The following HSF2BP variants were observed in gnomAD, a reference collection of about 807,000 sequenced individuals.
HSF2BP encodes the protein heat shock factor 2-binding protein.
Under a neutral mutation model 35.0 loss-of-function variants are expected in HSF2BP, and 35 were observed. That is an observed-to-expected ratio of 1.00 (90% CI 0.76 to 1.32). The LOEUF is 1.32. Ranked by LOEUF, HSF2BP falls within the 40% of genes most tolerant of loss-of-function variation. The probability of loss-of-function intolerance (pLI) is 0.00; values close to 1 mark genes in which losing one functional copy is unlikely to be tolerated. For synonymous variants in HSF2BP, 114 were observed against 117.4 expected, an observed-to-expected ratio of 0.97 and a Z score of 0.18; for missense variants, 326 against 321.7, an observed-to-expected ratio of 1.01 and a Z score of -0.10.
chr21:43,614,470 G>A (rs149814603), intron 6 of HSF2BP, among the ~76,000 whole-genome samples: 88 of 152,154 alleles, frequency 5.8e-4, no homozygotes, highest in Middle Eastern at 3.4e-3. Flanking sequence ...ATTAGCAAGC[G>A]CCGAAAGAGT....
At chr21:43,646,341 A>G (rs1379658689) in intron 3 of HSF2BP, among the ~76,000 whole-genome samples, 1 of 152,198 alleles carries the variant, frequency 6.6e-6, no homozygotes, top group East Asian at 1.9e-4. Flanking sequence ...TAAAAACTAC[A>G]TACTTGCATT....
At chr21:43,467,341 G>GA in the HSF2BP span, 20 of 32,932 alleles carry the variant, frequency 6.1e-4, 1 homozygote, top group Middle Eastern at 5.3e-3. Flanking sequence ...AAGGAAAACA[G>GA]AAGGCCTAGG....
intron 3 of HSF2BP, among the ~76,000 whole-genome samples, chr21:43,647,886 G>A (rs1253283739): frequency 5.5e-5 from 8 of 146,260 alleles, no homozygotes; most frequent in East Asian, 2.0e-4. Flanking sequence ...CCAAGATCAC[G>A]CCAGTGCGCT....
chr21:43,649,056 ATT>A (rs2082746729), intron 3 of HSF2BP, among the ~76,000 whole-genome samples: 1 of 151,920 alleles, frequency 6.6e-6, no homozygotes, highest in Non-Finnish European at 1.5e-5. Context: ...CATTTATTTA[ATT>A]AAAAAAATTT....
chr21:43,574,495 C>T (rs976297532), intron 8 of HSF2BP, among the ~76,000 whole-genome samples: 4 of 152,050 alleles, frequency 2.6e-5, no homozygotes, highest in African/African-American at 9.7e-5. Flanking sequence ...GTAGCTGGGA[C>T]TACAGGCACC....
At chr21:43,602,429 A>G (rs939158229) in intron 7 of HSF2BP, among the ~76,000 whole-genome samples, 2 of 152,210 alleles carry the variant, frequency 1.3e-5, no homozygotes. Context: ...ATTTGCCCAC[A>G]AAGGTGAGCT....
intron 8 of HSF2BP, among the ~76,000 whole-genome samples, chr21:43,582,243 T>G (rs2081758423): frequency 1.7e-5 from 2 of 118,628 alleles, no homozygotes; most frequent in African/African-American, 7.1e-5. Context: ...GATGAGGGCC[T>G]GCTGAGGGAG....
chr21:43,629,772 CATT>C (rs2082431785), intron 6 of HSF2BP, among the ~76,000 whole-genome samples: 1 of 152,166 alleles, frequency 6.6e-6, no homozygotes, highest in Non-Finnish European at 1.5e-5. Flanking sequence ...GATGCTAAGA[CATT>C]GTTGAAATAA....
intron 8 of HSF2BP, among the ~76,000 whole-genome samples, chr21:43,587,915 G>A (rs1468636449): frequency 6.6e-6 from 1 of 152,118 alleles, no homozygotes; most frequent in East Asian, 1.9e-4. Context: ...ACTTCCGGAG[G>A]ACCAGAGCTA....
intron 3 of HSF2BP, among the ~76,000 whole-genome samples, chr21:43,644,960 T>C (rs1055088441): frequency 5.9e-5 from 9 of 152,210 alleles, no homozygotes; most frequent in African/African-American, 2.2e-4. Flanking sequence ...ACTCATTTAG[T>C]TGATGAGTCA....
intron 7 of HSF2BP, among the ~76,000 whole-genome samples, chr21:43,605,036 TACCCACCACAC>T (rs1568905994): frequency 1.2e-5 from 1 of 81,856 alleles, no homozygotes; most frequent in African/African-American, 4.9e-5. Context: ...ACACACCACA[TACCCACCACAC>T]ACACACCAGA....
chr21:43,630,511 T>C (rs2082442580), intron 5 of HSF2BP, 57 bp from the exon 6 acceptor site: 1 of 1,552,352 alleles, frequency 6.4e-7, no homozygotes, highest in Non-Finnish European at 8.7e-7. Flanking sequence ...TGTGAAAACA[T>C]TTTAAAAGTG....
At chr21:43,591,197 G>A (rs1406619455) in intron 8 of HSF2BP, among the ~76,000 whole-genome samples, 1 of 152,114 alleles carries the variant, frequency 6.6e-6, no homozygotes, top group Non-Finnish European at 1.5e-5. Context: ...AGAACTTTAG[G>A]TTAGATTGGT....
At chr21:43,572,158 C>A (rs996933588) in intron 8 of HSF2BP, among the ~76,000 whole-genome samples, 5 of 152,082 alleles carry the variant, frequency 3.3e-5, no homozygotes, top group African/African-American at 1.2e-4. Flanking sequence ...TACCATCAGC[C>A]AGGATGTGCA....
rs987691450 is a variant in HSF2BP, at chr21:43,634,043, C to T, written c.292-622G>A. 2.0e-5 allele frequency among the ~76,000 whole-genome samples: 3 copies of T among 152,158 alleles called. No homozygotes were observed. The South Asian group carries it at 6.2e-4, about 32-fold the overall frequency. Reference sequence around the variant, plus strand: ...GGGAAAGAAAACCTAAAACCTAAGACCAGGTAGGAAAGATGGGAGGAGGGG... The same window carrying T: ...GGGAAAGAAAACCTAAAACCTAAGATCAGGTAGGAAAGATGGGAGGAGGGG... On this transcript the variant is annotated intron_variant, in intron 4 of 8. Transcript: ENST00000291560.
chr21:43,653,717 A>T (rs1162545372), intron 3 of HSF2BP, among the ~76,000 whole-genome samples: 2 of 152,206 alleles, frequency 1.3e-5, no homozygotes, highest in African/African-American at 2.4e-5. Context: ...GAACTGCCAC[A>T]AACTACTCAG....
chr21:43,650,352 G>A (rs138747038), intron 3 of HSF2BP, among the ~76,000 whole-genome samples: 1,826 of 151,802 alleles, frequency 0.012, 27 homozygotes, highest in African/African-American at 0.041. Context: ...GACTACAGGC[G>A]CCCGCCACCA....
rs368086886 is a variant in HSF2BP, at chr21:43,652,868, G to A, written c.187+3719C>T. On this transcript the variant is annotated intron_variant, in intron 3 of 8. Transcript: ENST00000291560. Reference sequence around the variant, plus strand: ...GAAGGGCATCAGGCCAGGCGCAGTGGCTCATAACTGTAATCCAGTGCTTTG... The same window carrying A: ...GAAGGGCATCAGGCCAGGCGCAGTGACTCATAACTGTAATCCAGTGCTTTG... Among the ~76,000 whole-genome samples the A allele has an allele frequency of 3.3e-5, 5 of 152,172 alleles. No homozygotes were observed. The East Asian group carries it at 9.7e-4, about 29-fold the overall frequency.
intron 7 of HSF2BP, among the ~76,000 whole-genome samples, chr21:43,605,409 C>T (rs1310759544): frequency 1.4e-5 from 2 of 147,190 alleles, no homozygotes; most frequent in Non-Finnish European, 3.0e-5. Context: ...ACATTCCCCA[C>T]ACCACACACA....
Sources: allele counts gnomAD v4.1 joint callset (sites outside exome capture counted in the v4.1 genomes callset), GRCh38; gene constraint gnomAD v4.1.1; transcripts MANE v1.5; gene names NCBI Gene and HGNC (gene_info 2026-07-23, HGNC 2026-07-21).